The following TMEM132D variants were observed in gnomAD, a reference collection of about 807,000 sequenced individuals.
The protein encoded by TMEM132D is transmembrane protein 132D.
TMEM132D carries 21 observed loss-of-function variants against 62.3 expected under a neutral mutation model. The ratio of observed to expected loss-of-function variants is 0.34; its 90% CI spans 0.24 to 0.49. The LOEUF is 0.49. Ranked by LOEUF, TMEM132D falls within the 20% of genes least tolerant of loss-of-function variation. The pLI is 0.99. For synonymous variants in TMEM132D, 621 were observed against 575.6 expected, an observed-to-expected ratio of 1.08 and a Z score of -1.13; for missense variants, 1,346 against 1,402.8, an observed-to-expected ratio of 0.96 and a Z score of 0.65.
intron 1 of TMEM132D, among the ~76,000 whole-genome samples, chr12:129,832,847 T>G (rs1299729086): frequency 6.6e-6 from 1 of 152,184 alleles, no homozygotes; most frequent in African/African-American, 2.4e-5. Flanking sequence ...AATCCCACTT[T>G]CACCTGTCAG....
chr12:129,582,395 C>T (rs962154872), intron 2 of TMEM132D, among the ~76,000 whole-genome samples: 1 of 152,174 alleles, frequency 6.6e-6, no homozygotes, highest in Non-Finnish European at 1.5e-5. Flanking sequence ...GTCACAGACC[C>T]AGGGTTACAA....
At chr12:129,630,251 A>AG (rs1207486986) in intron 2 of TMEM132D, among the ~76,000 whole-genome samples, 1 of 152,186 alleles carries the variant, frequency 6.6e-6, no homozygotes, top group African/African-American at 2.4e-5. Context: ...TGAGAAAAAC[A>AG]GGCAGCTGTG....
chr12:129,486,423 G>A (rs1459578764), intron 3 of TMEM132D, among the ~76,000 whole-genome samples: 6 of 152,096 alleles, frequency 3.9e-5, no homozygotes, highest in Admixed American at 2.0e-4. Flanking sequence ...TGTCACGGGT[G>A]GGCCTGTGTG....
chr12:129,889,931 A>T (rs918053471), intron 1 of TMEM132D, among the ~76,000 whole-genome samples: 4 of 152,222 alleles, frequency 2.6e-5, no homozygotes, highest in African/African-American at 9.6e-5. Context: ...GAATGCGAGA[A>T]ACACAAAATT....
chr12:129,879,585 C>T lies in TMEM132D; in HGVS notation c.79+23676G>A, dbSNP rs149769457. On this transcript the variant is annotated intron_variant, in intron 1 of 8. Coordinates refer to ENST00000422113, the MANE Select transcript of TMEM132D (RefSeq NM_133448.3). ...AGACTCCAGGTGCCATGCCAGGAGACGATGGTGGAAAAGGTGGAAAAGGTG... is the reference window on the plus strand; with the variant it reads ...AGACTCCAGGTGCCATGCCAGGAGATGATGGTGGAAAAGGTGGAAAAGGTG... Among the ~76,000 whole-genome samples the T allele has an allele frequency of 5.3e-3, 800 of 152,054 alleles. 4 individuals carry two copies. Among genetic ancestry groups the T allele is most frequent in the Non-Finnish European group, 7.5e-3 (513 of 67,996 alleles).
chr12:129,859,573 A>G (rs1873827273), intron 1 of TMEM132D, among the ~76,000 whole-genome samples: 1 of 152,196 alleles, frequency 6.6e-6, no homozygotes, highest in Non-Finnish European at 1.5e-5. Flanking sequence ...AACTGAGTCA[A>G]TGGACTGGGA....
intron 5 of TMEM132D, among the ~76,000 whole-genome samples, chr12:129,162,618 G>T (rs1877431854): frequency 6.6e-6 from 1 of 152,076 alleles, no homozygotes; most frequent in Non-Finnish European, 1.5e-5. Flanking sequence ...CCTCGGTGAT[G>T]TGTGCTCTTG....
intron 3 of TMEM132D, among the ~76,000 whole-genome samples, chr12:129,347,748 G>A (rs1310367897): frequency 6.6e-6 from 1 of 152,124 alleles, no homozygotes; most frequent in East Asian, 1.9e-4. Context: ...CACAACAAGA[G>A]AAACTATCAT....
At chr12:129,156,621 A>T (rs1337170812) in intron 5 of TMEM132D, among the ~76,000 whole-genome samples, 1 of 152,184 alleles carries the variant, frequency 6.6e-6, no homozygotes, top group Non-Finnish European at 1.5e-5. Flanking sequence ...TCCCAAAAGT[A>T]ACCAGCCCAC....
intron 5 of TMEM132D, among the ~76,000 whole-genome samples, chr12:129,185,761 A>ATCTGTCTGTCTGTCGT (rs1878201972): frequency 7.1e-6 from 1 of 140,800 alleles, no homozygotes; most frequent in African/African-American, 2.6e-5. Flanking sequence ...TTTATCCATC[A>ATCTGTCTGTCTGTCGT]TCTGTCTGTC....
At chr12:129,114,480 T>C (rs79624548) in intron 5 of TMEM132D, among the ~76,000 whole-genome samples, 3,127 of 151,642 alleles carry the variant, frequency 0.021, 42 homozygotes, top group Non-Finnish European at 0.034. Flanking sequence ...CTCCTTCCCT[T>C]CCTCCTTTTA....
In TMEM132D at chr12:129,852,922, T is replaced by A. The variant is rs551622841; in HGVS notation, c.79+50339A>T. 3.3e-5 allele frequency: 5 copies of A among 152,348 alleles called. No individual in the cohort carries two copies. The East Asian group carries it at 9.6e-4, about 29-fold the overall frequency. 9.4% of individuals were successfully genotyped at this position (152,348 alleles called of 1,614,324 possible). A position where few individuals can be genotyped will look rare whatever the true frequency, so the allele number is the denominator to read the frequency against. On this transcript the variant is annotated intron_variant, in intron 1 of 8. Transcript: ENST00000422113. The stretch of plus-strand genomic sequence containing the variant: ...TGAAGCTGAATCAGGATGCTGAGAT[T>A]GACCACTAAAAATTATAATAAATTA...
intron 4 of TMEM132D, among the ~76,000 whole-genome samples, chr12:129,254,684 G>C (rs192560049): frequency 6.6e-6 from 1 of 152,110 alleles, no homozygotes; most frequent in Non-Finnish European, 1.5e-5. Context: ...TCGTGGAGAC[G>C]GGTCTCTACT....
intron 4 of TMEM132D, among the ~76,000 whole-genome samples, chr12:129,218,413 C>T (rs750789484): frequency 2.0e-5 from 3 of 152,146 alleles, no homozygotes; most frequent in Non-Finnish European, 4.4e-5. Context: ...TACGGCATAG[C>T]CTATTGTTCC....
chr12:129,248,822 G>C lies in TMEM132D; in HGVS notation c.1300-39159C>G, dbSNP rs190514355. Among the ~76,000 whole-genome samples the C allele has an allele frequency of 3.9e-5, 6 of 152,200 alleles. No homozygotes were observed. In the East Asian group the frequency reaches 1.2e-3, roughly 29 times the overall value. On this transcript the variant is annotated intron_variant, in intron 4 of 8. Coordinates refer to ENST00000422113, the MANE Select transcript of TMEM132D (RefSeq NM_133448.3). ...TGCTTTTCTGTTTCCACAATACTTT[G>C]CTATAAGGATAACGGCCTCCAGCTC...
chr12:129,814,272 A>G (rs1166150502), intron 1 of TMEM132D, among the ~76,000 whole-genome samples: 1 of 152,226 alleles, frequency 6.6e-6, no homozygotes, highest in African/African-American at 2.4e-5. Context: ...ACACTTAAAA[A>G]TAGTAAAGAC....
intron 3 of TMEM132D, among the ~76,000 whole-genome samples, chr12:129,379,872 TG>T (rs1344586609): frequency 6.6e-6 from 1 of 152,134 alleles, no homozygotes; most frequent in Non-Finnish European, 1.5e-5. Flanking sequence ...CTTTGGGAAA[TG>T]GGTCATGATA....
intron 5 of TMEM132D, among the ~76,000 whole-genome samples, chr12:129,117,295 A>G (rs1294359937): frequency 1.3e-5 from 2 of 152,020 alleles, no homozygotes; most frequent in African/African-American, 4.8e-5. Context: ...GAATGAATAG[A>G]TGGAGAAGAG....
At chr12:129,881,681 G>T (rs7305774) in intron 1 of TMEM132D, among the ~76,000 whole-genome samples, 1,808 of 152,006 alleles carry the variant, frequency 0.012, 35 homozygotes, top group African/African-American at 0.041. Flanking sequence ...AGGAACTGAT[G>T]TAAGTAGAAA....
Sources: gnomAD v4.1 joint callset for allele counts (sites outside exome capture counted in the v4.1 genomes callset) on GRCh38, gnomAD v4.1.1 for gene constraint, MANE v1.5 for transcripts, NCBI Gene and HGNC (gene_info 2026-07-23, HGNC 2026-07-21) for gene names.